HRH1: variants seen among roughly 807,000 people sequenced by gnomAD.
HRH1 encodes the protein histamine H1 receptor.
In HRH1, 6 loss-of-function variants were observed where a neutral mutation model predicts 10.3. That is an observed-to-expected ratio of 0.58 (90% confidence interval 0.32 to 1.15). The LOEUF is 1.15. Ranked by LOEUF, HRH1 falls within the 50% of genes most tolerant of loss-of-function variation. The pLI, the probability that HRH1 is intolerant of heterozygous loss-of-function variation, is 0.05. For synonymous variants in HRH1, 242 were observed against 236.7 expected (o/e 1.02, Z -0.21); for missense variants, 514 against 615.3 (o/e 0.84, Z 1.74).
Position 11,182,737 on chromosome 3 carries a change from T to A in HRH1, c.-36+28183T>A, listed in dbSNP as rs79045317. Among the ~76,000 whole-genome samples, 12 of 152,278 alleles carry A rather than the reference T, an allele frequency of 7.9e-5. No individual in the cohort carries two copies. In the East Asian group the frequency reaches 2.3e-3, roughly 29 times the overall value. On this transcript the variant is annotated intron_variant, in intron 1 of 1. Transcript: ENST00000431010. ...ACTGCCCCAAAGCATCCTGCCCGTA[T>A]CCTGTTCAGTCCTCCCAACTGCCCT...
intron 1 of HRH1, among the ~76,000 whole-genome samples, chr3:11,207,627 C>T (rs1345406725): frequency 6.6e-6 from 1 of 152,154 alleles, no homozygotes; most frequent in African/African-American, 2.4e-5. Flanking sequence ...CGCTTACTTG[C>T]TGTGTGATCT....
At position 11,154,789 on chromosome 3, in the gene HRH1, C is replaced by G. The variant is rs1406465429; in HGVS notation, c.-36+235C>G. Among the ~76,000 whole-genome samples the G allele has an allele frequency of 6.6e-6, 1 of 152,034 alleles. No homozygotes were observed. Among genetic ancestry groups the G allele is most frequent in the Non-Finnish European group, 1.5e-5 (1 of 67,990 alleles). On this transcript the variant is annotated intron_variant, in intron 1 of 1. Coordinates refer to ENST00000431010, the MANE Select transcript of HRH1 (RefSeq NM_001098212.2). This position sits in a 1 kb window ranked among gnomAD's most constrained non-coding sequence, Gnocchi z 4.4. Reference sequence around the variant, plus strand: ...CCCTCTCCACACTGTGGCCTCAGCACTCGACGCGCAGACACCTTTAGCTTC... The same window carrying G: ...CCCTCTCCACACTGTGGCCTCAGCAGTCGACGCGCAGACACCTTTAGCTTC...
intron 1 of HRH1, among the ~76,000 whole-genome samples, chr3:11,249,784 A>G (rs964018628): frequency 1.3e-5 from 2 of 152,162 alleles, no homozygotes; most frequent in African/African-American, 4.8e-5. Context: ...CAATTAACGG[A>G]ATCTCCGTTA....
At chr3:11,143,587 T>G (rs1246677126) in intron 1 of HRH1, among the ~76,000 whole-genome samples, 2 of 152,214 alleles carry the variant, frequency 1.3e-5, no homozygotes, top group East Asian at 3.9e-4. Context: ...TTGGTTGGGT[T>G]AATCCAAACT....
intron 1 of HRH1, among the ~76,000 whole-genome samples, chr3:11,183,978 G>A (rs899813263): frequency 6.6e-5 from 10 of 151,046 alleles, no homozygotes; most frequent in Non-Finnish European, 1.5e-4. Context: ...GCGGTGTGAT[G>A]GTTTTTGCCA....
At chr3:11,242,330 A>C (rs1054569058) in intron 1 of HRH1, among the ~76,000 whole-genome samples, 2 of 151,852 alleles carry the variant, frequency 1.3e-5, no homozygotes, top group Non-Finnish European at 2.9e-5. Context: ...AAATTCAAAA[A>C]ATTAGCCGGC....
chr3:11,192,090 C>T (rs2125021837), intron 1 of HRH1, among the ~76,000 whole-genome samples: 1 of 152,308 alleles, frequency 6.6e-6, no homozygotes, highest in Middle Eastern at 3.4e-3. Flanking sequence ...TGATGAGTCA[C>T]CTATCCATGG....
At position 11,138,314 on chromosome 3, in the gene HRH1, G is replaced by A. The variant is rs117349314; in HGVS notation, c.-36+915G>A. 5.7e-4 allele frequency among the ~76,000 whole-genome samples: 86 copies of A among 151,562 alleles called. No homozygotes were observed. The East Asian group carries it at 0.015, about 27-fold the overall frequency. Reference sequence around the variant, plus strand: ...TAGGATTACAGGCGTGAGCCACCGCGCCCAGCCTAAACAAGGAACTCTTAC... The same window carrying A: ...TAGGATTACAGGCGTGAGCCACCGCACCCAGCCTAAACAAGGAACTCTTAC... On this transcript the variant is annotated intron_variant, in intron 1 of 1. Transcript: ENST00000438284.
At chr3:11,218,538 G>A (rs989321275) in intron 1 of HRH1, among the ~76,000 whole-genome samples, 3 of 152,042 alleles carry the variant, frequency 2.0e-5, no homozygotes, top group Non-Finnish European at 2.9e-5. Flanking sequence ...GGTGGGATGG[G>A]ACACATATGA....
At chr3:11,172,877 T>A (rs1393894266) in intron 1 of HRH1, among the ~76,000 whole-genome samples, 1 of 151,744 alleles carries the variant, frequency 6.6e-6, no homozygotes, top group Non-Finnish European at 1.5e-5. Context: ...AATTTTTTTG[T>A]ATTTTTAGTA....
chr3:11,144,474 C>CGTATAGACATACGTATATAGGT (rs1559249802), intron 1 of HRH1, among the ~76,000 whole-genome samples: 1 of 148,906 alleles, frequency 6.7e-6, no homozygotes, highest in South Asian at 2.1e-4. Flanking sequence ...TACATATAGA[C>CGTATAGACATACGTATATAGGT]ATATATATAC....
chr3:11,140,110 G>T (rs1157626194), intron 1 of HRH1, among the ~76,000 whole-genome samples: 1 of 152,126 alleles, frequency 6.6e-6, no homozygotes, highest in Non-Finnish European at 1.5e-5. Flanking sequence ...AGTCCCTTTT[G>T]GCCTAGTGCC....
At chr3:11,184,196 T>C (rs904992256) in intron 1 of HRH1, among the ~76,000 whole-genome samples, 1 of 152,210 alleles carries the variant, frequency 6.6e-6, no homozygotes, top group Non-Finnish European at 1.5e-5. Flanking sequence ...AGCAAATCAT[T>C]ACGTAAAACT....
intron 1 of HRH1, among the ~76,000 whole-genome samples, chr3:11,203,796 C>T (rs1437087988): frequency 6.6e-6 from 1 of 152,190 alleles, no homozygotes; most frequent in Non-Finnish European, 1.5e-5. Flanking sequence ...CAACTTTGCT[C>T]TTCTCCCTCA....
chr3:11,208,281 T>C (rs1938210317), intron 1 of HRH1, among the ~76,000 whole-genome samples: 1 of 152,014 alleles, frequency 6.6e-6, no homozygotes, highest in African/African-American at 2.4e-5. Flanking sequence ...GCCTCCCAAG[T>C]AGCTGAAATT....
At chr3:11,218,334 G>C (rs971520057) in intron 1 of HRH1, among the ~76,000 whole-genome samples, 12 of 151,672 alleles carry the variant, frequency 7.9e-5, no homozygotes, top group Admixed American at 7.2e-4. Context: ...TGTAGTCCCA[G>C]CTACTCAGGA....
intron 1 of HRH1, among the ~76,000 whole-genome samples, chr3:11,252,264 C>T (rs1355009198): frequency 1.3e-5 from 2 of 152,148 alleles, no homozygotes; most frequent in East Asian, 3.8e-4. Context: ...TAATTAAATG[C>T]CCTAAATATT....
upstream of HRH1, among the ~76,000 whole-genome samples, chr3:11,150,121 T>C (rs906078324): frequency 6.6e-6 from 1 of 152,268 alleles, no homozygotes; most frequent in African/African-American, 2.4e-5. Flanking sequence ...CAAATCCTTT[T>C]ATAAAAATTA....
chr3:11,260,464 A>G lies in HRH1; in HGVS notation c.1427A>G (p.Lys476Arg), dbSNP rs774068490. ...TACCCCTTGTGCAATGAGAACTTCA[A>G]GAAGACATTCAAGAGAATTCTGCAT... ...LIYPLCNENF[K>R]KTFKRILHIR... Residue 476 changes from lysine (K) to arginine (R), a missense_variant, in exon 2 of 2, where the codon AAG (lysine) becomes AGG (arginine). Transcript: ENST00000431010. 19 of 1,610,300 alleles carry G rather than the reference A, an allele frequency of 1.2e-5. No individual in the cohort carries two copies. The highest frequency in any genetic ancestry group is 4.5e-5 in the East Asian group (2 of 44,846).
Sources: gnomAD v4.1 joint callset for allele counts (sites outside exome capture counted in the v4.1 genomes callset) on GRCh38, gnomAD v4.1.1 for gene constraint, Gnocchi (gnomAD v3.1) non-coding constraint, MANE v1.5 for transcripts, NCBI Gene and HGNC (gene_info 2026-07-23, HGNC 2026-07-21) for gene names.